The following CFAP54 variants were observed in gnomAD, a reference collection of about 807,000 sequenced individuals.
The protein encoded by CFAP54 is cilia and flagella associated protein 54, also known as cilia- and flagella-associated protein 54.
Under a neutral mutation model 370.4 loss-of-function variants are expected in CFAP54, and 290 were observed. The observed-to-expected ratio is 0.78, with a 90% CI of 0.71 to 0.86. CFAP54 has a LOEUF of 0.86. CFAP54 is among the 40% of genes least tolerant of loss of function. The probability of loss-of-function intolerance (pLI) is 0.00; values close to 1 mark genes in which losing one functional copy is unlikely to be tolerated. For synonymous variants in CFAP54, 1,206 were observed against 1,236.5 expected, an observed-to-expected ratio of 0.98 and a Z score of 0.52; for missense variants, 3,399 against 3,528.7, an observed-to-expected ratio of 0.96 and a Z score of 0.93.
In CFAP54 at chr12:96,687,361, G is replaced by C. The variant is rs142537733; in HGVS notation, c.6015-1555G>C. On this transcript the variant is annotated intron_variant, in intron 42 of 67. Transcript: ENST00000524981. ...ATTTAGCCTACCACACATAACACAT[G>C]TGAATGTCTTCAAGAATGGCTTACG... Among the ~76,000 whole-genome samples, 648 of 152,276 alleles carry C rather than the reference G, an allele frequency of 4.3e-3. 7 individuals carry two copies. The highest frequency in any genetic ancestry group is 0.036 in the South Asian group (175 of 4,824).
At chr12:96,569,142 G>C (rs1166270854) in intron 19 of CFAP54, among the ~76,000 whole-genome samples, 2 of 152,202 alleles carry the variant, frequency 1.3e-5, no homozygotes, top group Non-Finnish European at 2.9e-5. Flanking sequence ...CTTTGTAGAT[G>C]TAATTTCTCA....
Position 96,740,047 on chromosome 12 carries a change from T to G in CFAP54, c.7057T>G (p.Ser2353Ala), listed in dbSNP as rs143419626. 2.3e-4 allele frequency: 361 copies of G among 1,586,842 alleles called. No homozygotes were observed. The highest frequency in any genetic ancestry group is 3.9e-4 in the Admixed American group (23 of 58,866). Reference protein sequence around the residue: ...VVQDDTENPVSPGTSVTENKD... With the variant: ...VVQDDTENPVAPGTSVTENKD... ...ACAGGATGACACAGAGAATCCTGTCTCTCCAGGAACTTCTGTAAGTATGAC... is the reference window on the plus strand; with the variant it reads ...ACAGGATGACACAGAGAATCCTGTCGCTCCAGGAACTTCTGTAAGTATGAC... Residue 2353 changes from serine to alanine, a missense_variant, in exon 51 of 68, where the codon TCT (serine) becomes GCT (alanine). This residue lies in a region of CFAP54 where 2,796 missense variants were observed against 2,869.7 expected (regional missense o/e 0.97). Coordinates refer to ENST00000524981, the MANE Select transcript of CFAP54 (RefSeq NM_001306084.2).
chr12:96,814,547 TTAAG>T (rs1958957175), intron 64 of CFAP54, among the ~76,000 whole-genome samples: 1 of 152,228 alleles, frequency 6.6e-6, no homozygotes, highest in Admixed American at 6.5e-5. Flanking sequence ...CTATTGTTTT[TTAAG>T]TTTTACTTTA....
intron 66 of CFAP54, among the ~76,000 whole-genome samples, chr12:96,846,996 T>A (rs1959375058): frequency 6.6e-6 from 1 of 152,112 alleles, no homozygotes; most frequent in Non-Finnish European, 1.5e-5. Context: ...GAGACTTCCC[T>A]CACTTCAGAT....
chr12:96,799,667 A>C (rs1308076751), intron 63 of CFAP54, among the ~76,000 whole-genome samples: 1 of 152,214 alleles, frequency 6.6e-6, no homozygotes, highest in East Asian at 1.9e-4. Context: ...CTTTCATGCT[A>C]TTTCACATAT....
At chr12:96,642,720 T>C (rs1364450268) in intron 32 of CFAP54, among the ~76,000 whole-genome samples, 2 of 152,216 alleles carry the variant, frequency 1.3e-5, no homozygotes, top group Admixed American at 6.5e-5. Flanking sequence ...TTCGGGTGTT[T>C]ATCTGCTTCC....
chr12:96,506,793 GC>G, intron 3 of CFAP54, 134 bp from the exon 4 acceptor site: 1 of 639,642 alleles, frequency 1.6e-6, no homozygotes, highest in Non-Finnish European at 2.5e-6. Context: ...CATCATGTTG[GC>G]CAGGCTGGTC....
chr12:96,528,621 G>T (rs1955408158), intron 9 of CFAP54, among the ~76,000 whole-genome samples: 1 of 152,222 alleles, frequency 6.6e-6, no homozygotes, highest in African/African-American at 2.4e-5. Flanking sequence ...TTCCTCCATA[G>T]ATATAAAATT....
rs78972174 is a variant in CFAP54, at chr12:96,831,658, C to G, written c.9171+2570C>G. Among the ~76,000 whole-genome samples, 1,451 of 152,230 alleles carry G rather than the reference C, an allele frequency of 9.5e-3. 55 individuals carry two copies. The East Asian group carries it at 0.1, about 10-fold the overall frequency. ...GAGGAAGTGACATTTGAAGTAAGAC[C>G]TGAAATATTATACTGTATTTTTCCC... On this transcript the variant is annotated intron_variant, in intron 66 of 67. Transcript: ENST00000524981.
At chr12:96,870,435 G>A (rs1411157323) in intron 67 of CFAP54, among the ~76,000 whole-genome samples, 2 of 152,136 alleles carry the variant, frequency 1.3e-5, no homozygotes, top group African/African-American at 4.8e-5. Context: ...TATGACATCG[G>A]ATAGTCCTGG....
chr12:96,712,929 TG>T (rs1957631036), intron 48 of CFAP54, among the ~76,000 whole-genome samples: 1 of 152,074 alleles, frequency 6.6e-6, no homozygotes, highest in South Asian at 2.1e-4. Context: ...AAAAAGCATA[TG>T]AGAAAATACT....
intron 3 of CFAP54, among the ~76,000 whole-genome samples, chr12:96,505,693 G>A (rs1476081368): frequency 1.3e-5 from 2 of 151,792 alleles, no homozygotes; most frequent in Admixed American, 1.3e-4. Flanking sequence ...AGTAGAGATG[G>A]GGTTTCTCCA....
At chr12:96,604,836 C>T (rs954739705) in intron 26 of CFAP54, among the ~76,000 whole-genome samples, 4 of 152,212 alleles carry the variant, frequency 2.6e-5, no homozygotes, top group African/African-American at 7.2e-5. Flanking sequence ...ATGGGAAAAG[C>T]GCAGTATTTG....
At position 96,580,709 on chromosome 12, in the gene CFAP54, A is replaced by G. The variant is rs942621879; in HGVS notation, c.2889+20A>G. ...GAAGCGGTACGTCAAATTAAACATC[A>G]GGAAATCTTACTGAAGCCTTTAATG... On this transcript the variant is annotated intron_variant, in intron 21 of 67. Coordinates refer to ENST00000524981, the MANE Select transcript of CFAP54 (RefSeq NM_001306084.2). 1.4e-6 allele frequency: 2 copies of G among 1,416,652 alleles called. No individual in the cohort carries two copies. Among genetic ancestry groups the G allele is most frequent in the Non-Finnish European group, 1.9e-6 (2 of 1,049,060 alleles). 87.8% of individuals were successfully genotyped at this position (1,416,652 alleles called of 1,614,324 possible).
At chr12:96,524,873 C>G (rs1955359987) in intron 8 of CFAP54, among the ~76,000 whole-genome samples, 3 of 152,056 alleles carry the variant, frequency 2.0e-5, no homozygotes, top group South Asian at 2.1e-4. Flanking sequence ...CATAATTTGT[C>G]TAATATTTTA....
At position 96,743,928 on chromosome 12, in the gene CFAP54, T is replaced by A. The variant is rs1565962331; in HGVS notation, c.7557+18T>A. 3 of 1,604,850 alleles carry A rather than the reference T, an allele frequency of 1.9e-6. No homozygotes were observed. The highest frequency in any genetic ancestry group is 2.5e-6 in the Non-Finnish European group (3 of 1,176,622). ...CTGAACAGGTGAGAATGCTTTTGTGTCTGCGAGACATAGAAACTTACTTTT... is the reference window on the plus strand; with the variant it reads ...CTGAACAGGTGAGAATGCTTTTGTGACTGCGAGACATAGAAACTTACTTTT... On this transcript the variant is annotated intron_variant, in intron 54 of 67. Coordinates refer to ENST00000524981, the MANE Select transcript of CFAP54 (RefSeq NM_001306084.2).
chr12:96,718,909 A>G (rs997491333), intron 49 of CFAP54, among the ~76,000 whole-genome samples: 1 of 152,094 alleles, frequency 6.6e-6, no homozygotes, highest in Non-Finnish European at 1.5e-5. Flanking sequence ...GTGATGGCGC[A>G]TGCCTGTAAT....
In CFAP54 at chr12:96,510,558, C is replaced by T. The variant is rs184084670; in HGVS notation, c.740-2428C>T. Among the ~76,000 whole-genome samples, 42 of 152,280 alleles carry T rather than the reference C, an allele frequency of 2.8e-4. 1 individual carries two copies. The Middle Eastern group carries it at 0.024, about 86-fold the overall frequency. On this transcript the variant is annotated intron_variant, in intron 4 of 67. Coordinates refer to ENST00000524981, the MANE Select transcript of CFAP54 (RefSeq NM_001306084.2). ...CGTTACTGGCATGTTTATACAGGCT[C>T]CTGGCTTACATCCTCATCACATGTT...
intron 23 of CFAP54, among the ~76,000 whole-genome samples, chr12:96,591,537 GGTGGTC>G (rs1406813727): frequency 1.4e-4 from 22 of 152,068 alleles, no homozygotes; most frequent in Non-Finnish European, 2.6e-4. Context: ...ATAACACTAT[GGTGGTC>G]GAGCCTGGAG....
Sources: gnomAD v4.1 joint callset for allele counts (sites outside exome capture counted in the v4.1 genomes callset) on GRCh38, gnomAD v4.1.1 for gene constraint, gnomAD v4.1.1 regional missense constraint, MANE v1.5 for transcripts, NCBI Gene and HGNC (gene_info 2026-07-23, HGNC 2026-07-21) for gene names.